SLC35D4: variants seen among roughly 807,000 people sequenced by gnomAD.
SLC35D4 encodes UDP-N-acetylglucosamine transporter SLC35D4.
chr18:23,387,390 G>A, the SLC35D4 span, among the ~76,000 whole-genome samples: 1 of 152,104 alleles, frequency 6.6e-6, no homozygotes, highest in South Asian at 2.1e-4. Context: ...CCCATAGCCT[G>A]GAGCTGCCAA....
chr18:23,351,735 C>T, the SLC35D4 span, among the ~76,000 whole-genome samples: 6 of 152,170 alleles, frequency 3.9e-5, no homozygotes, highest in South Asian at 4.1e-4. Flanking sequence ...GCCACTTCCC[C>T]GCTCCTTCTG....
At chr18:23,294,471 G>T in the SLC35D4 span, among the ~76,000 whole-genome samples, 2 of 152,216 alleles carry the variant, frequency 1.3e-5, no homozygotes, top group Admixed American at 6.5e-5. Context: ...AATAGAAACT[G>T]ACGGAAACTG....
chr18:23,280,764 C>G, the SLC35D4 span, among the ~76,000 whole-genome samples: 1 of 151,892 alleles, frequency 6.6e-6, no homozygotes, highest in Non-Finnish European at 1.5e-5. Context: ...GTACTAAAGG[C>G]CTGAGGATAA....
the SLC35D4 span, among the ~76,000 whole-genome samples, chr18:23,404,567 G>C: frequency 6.6e-6 from 1 of 151,240 alleles, no homozygotes; most frequent in East Asian, 2.0e-4. Flanking sequence ...CAGCTACTCG[G>C]GAGGCTGAGG....
chr18:23,424,910 A>G, the SLC35D4 span, among the ~76,000 whole-genome samples: 1 of 152,184 alleles, frequency 6.6e-6, no homozygotes, highest in Non-Finnish European at 1.5e-5. Context: ...TTGACAAAGT[A>G]TTTTAAAGTT....
chr18:23,257,453 A>T, the SLC35D4 span: 1 of 1,393,028 alleles, frequency 7.2e-7, no homozygotes, highest in African/African-American at 1.5e-5. Flanking sequence ...AAAAAAGTAG[A>T]ACTCAGAATA....
the SLC35D4 span, among the ~76,000 whole-genome samples, chr18:23,427,729 T>C: frequency 1.3e-5 from 2 of 152,318 alleles, no homozygotes; most frequent in Admixed American, 6.5e-5. Context: ...CATATGTTTA[T>C]TGCGGCACTA....
At chr18:23,415,106 T>G in the SLC35D4 span, among the ~76,000 whole-genome samples, 1 of 152,174 alleles carries the variant, frequency 6.6e-6, no homozygotes, top group Non-Finnish European at 1.5e-5. Flanking sequence ...AGCAAGACTC[T>G]GTCTCTAAAT....
the SLC35D4 span, chr18:23,370,253 T>C: frequency 2.5e-6 from 4 of 1,612,852 alleles, no homozygotes; most frequent in Non-Finnish European, 3.4e-6. Flanking sequence ...TGTAGAATTT[T>C]ATAAGCCCCT....
the SLC35D4 span, among the ~76,000 whole-genome samples, chr18:23,432,201 T>C: frequency 6.6e-6 from 1 of 152,320 alleles, no homozygotes; most frequent in African/African-American, 2.4e-5. Flanking sequence ...TGACAATAAA[T>C]ATTTAGTTTA....
chr18:23,380,107 A>G, the SLC35D4 span, among the ~76,000 whole-genome samples: 1 of 150,640 alleles, frequency 6.6e-6, no homozygotes, highest in African/African-American at 2.5e-5. Flanking sequence ...AAACAAAACA[A>G]AAAAAAGAAG....
the SLC35D4 span, chr18:23,437,939 A>C: frequency 1.3e-5 from 18 of 1,424,290 alleles, no homozygotes; most frequent in South Asian, 2.1e-4. Flanking sequence ...CAGCAGCGGC[A>C]GCGGCAGCAG....
chr18:23,240,689 C>T, the SLC35D4 span, among the ~76,000 whole-genome samples: 1 of 152,328 alleles, frequency 6.6e-6, no homozygotes, highest in African/African-American at 2.4e-5. Context: ...TCCAAAGCCC[C>T]AGAGTCCTGC....
the SLC35D4 span, among the ~76,000 whole-genome samples, chr18:23,244,855 C>T: frequency 2.0e-5 from 3 of 152,270 alleles, no homozygotes; most frequent in Non-Finnish European, 4.4e-5. Flanking sequence ...GAACAGTGGC[C>T]GAGTGTACGG....
At chr18:23,393,106 G>A in the SLC35D4 span, among the ~76,000 whole-genome samples, 3 of 151,822 alleles carry the variant, frequency 2.0e-5, no homozygotes, top group Non-Finnish European at 4.4e-5. Flanking sequence ...TAATAGAGAC[G>A]GGGTTTCACC....
At chr18:23,316,312 C>G in the SLC35D4 span, among the ~76,000 whole-genome samples, 1 of 152,210 alleles carries the variant, frequency 6.6e-6, no homozygotes, top group Non-Finnish European at 1.5e-5. Flanking sequence ...CCAACCTGGT[C>G]TTCCTTCCAG....
chr18:23,426,778 C>T, the SLC35D4 span, among the ~76,000 whole-genome samples: 1 of 152,152 alleles, frequency 6.6e-6, no homozygotes, highest in African/African-American at 2.4e-5. Context: ...TACTACAAGG[C>T]TACAGTAACC....
chr18:23,343,085 G>T, the SLC35D4 span, among the ~76,000 whole-genome samples: 2 of 151,994 alleles, frequency 1.3e-5, no homozygotes, highest in African/African-American at 4.8e-5. Context: ...ACCACACCCA[G>T]ATAATTTTTG....
chr18:23,430,755 T>C, the SLC35D4 span: 1 of 1,354,628 alleles, frequency 7.4e-7, no homozygotes, highest in Non-Finnish European at 1.0e-6. Flanking sequence ...GACATTTCTA[T>C]TAAAAAACAT....
Sources: gnomAD v4.1 joint callset for allele counts (sites outside exome capture counted in the v4.1 genomes callset) on GRCh38, gnomAD v4.1.1 for gene constraint, MANE v1.5 for transcripts, NCBI Gene and HGNC (gene_info 2026-07-23, HGNC 2026-07-21) for gene names.